The following HIP1R variants were observed in gnomAD, a reference collection of about 807,000 sequenced individuals.
HIP1R encodes the protein huntingtin interacting protein 1 related.
A neutral mutation model predicts 144.2 loss-of-function variants in HIP1R; 135 were observed. That is an observed-to-expected ratio of 0.94 (90% CI 0.81 to 1.08). The LOEUF (loss-of-function observed/expected upper bound fraction) is 1.08, where lower values mean the gene tolerates loss of function less well. HIP1R is among the 50% of genes least tolerant of loss of function. The probability of loss-of-function intolerance (pLI) is 0.00; values close to 1 mark genes in which losing one functional copy is unlikely to be tolerated. For synonymous variants in HIP1R, 698 were observed against 612.8 expected, an observed-to-expected ratio of 1.14 and a Z score of -2.05; for missense variants, 1,462 against 1,432.8, an observed-to-expected ratio of 1.02 and a Z score of -0.33.
Position 122,849,889 on chromosome 12 carries a change from C to A in HIP1R, c.372C>A (p.Asp124Glu), listed in dbSNP as rs145255391. The change falls in exon 5 of 32, where the codon GAC (aspartate) becomes GAA (glutamate). Residue 124 changes from aspartate to glutamate, a missense_variant. Coordinates refer to ENST00000253083, the MANE Select transcript of HIP1R (RefSeq NM_003959.3). ...TCTTCACACAGGGACATTTGCATGA[C>A]CGCTACGGACAGCTGGTGAATGTCT... is the stretch of plus-strand genomic sequence containing the variant. ...EIGDLWGHLH[D>E]RYGQLVNVYT... 1.5e-4 allele frequency: 240 copies of A among 1,613,072 alleles called. No individual in the cohort carries two copies. Among genetic ancestry groups the A allele is most frequent in the Non-Finnish European group, 1.8e-4 (207 of 1,179,604 alleles).
At chr12:122,856,876 A>G in intron 17 of HIP1R, 145 bp from the exon 18 acceptor site, 2 of 1,022,756 alleles carry the variant, frequency 2.0e-6, no homozygotes, top group Non-Finnish European at 2.9e-6. Context: ...TACATGGGAG[A>G]CAGGACCTAC....
At position 122,860,060 on chromosome 12, in the gene HIP1R, T is replaced by C; in HGVS notation, c.2479T>C (p.Cys827Arg). The change falls in exon 25 of 32, where the codon TGC becomes CGC. Residue 827 changes from cysteine (C) to arginine (R), a missense_variant. Cys to Arg is a radical substitution (Grantham distance 180). Transcript: ENST00000253083. ...LEVNERILNS[C>R]TDLMKAIRLL... ...TCTCTCCCCCAGGATCCTCAACTCC[T>C]GCACAGACCTGATGAAGGTGAGGGG... 1.3e-6 allele frequency: 2 copies of C among 1,569,016 alleles called. No homozygotes were observed. The highest frequency in any genetic ancestry group is 1.7e-6 in the Non-Finnish European group (2 of 1,158,262).
intron 1 of HIP1R, among the ~76,000 whole-genome samples, chr12:122,843,322 T>G (rs937200537): frequency 1.3e-5 from 2 of 152,324 alleles, no homozygotes; most frequent in African/African-American, 4.8e-5. Flanking sequence ...GGACAGGTGG[T>G]TAACCTGCAG....
chr12:122,862,830 G>A lies in HIP1R; in HGVS notation c.*1077G>A, dbSNP rs965932402. ...CTTTAGCCTTTCACCCTGTGCTCTGGAAAGGCTACCAAATACTGGCCAAGG... is the reference window on the plus strand; with the variant it reads ...CTTTAGCCTTTCACCCTGTGCTCTGAAAAGGCTACCAAATACTGGCCAAGG... On this transcript the variant is annotated 3_prime_UTR_variant, in exon 32 of 32. Transcript: ENST00000253083. The A allele has an allele frequency of 2.0e-5, 3 of 152,240 alleles. No individual in the cohort carries two copies. In the East Asian group the frequency reaches 5.8e-4, roughly 29 times the overall value. 9.4% of individuals were successfully genotyped at this position (152,240 alleles called of 1,614,324 possible).
intron 28 of HIP1R, 63 bp from the exon 29 acceptor site, chr12:122,860,853 G>T: frequency 6.3e-7 from 1 of 1,596,672 alleles, no homozygotes; most frequent in South Asian, 1.1e-5. Flanking sequence ...TGGCTGCCAA[G>T]CCCAGGCCTG....
chr12:122,860,041 C>T lies in HIP1R; in HGVS notation c.2466-6C>T. 1 of 1,555,126 alleles carries T rather than the reference C, an allele frequency of 6.4e-7. No homozygotes were observed. Among genetic ancestry groups the T allele is most frequent in the Non-Finnish European group, 8.7e-7 (1 of 1,151,570 alleles). ...CGGCAGCTAAGTCTCTCCTTCTCTC[C>T]CCCAGGATCCTCAACTCCTGCACAG... On this transcript the variant is annotated splice_polypyrimidine_tract_variant and splice_region_variant and intron_variant, in intron 24 of 31. Coordinates refer to ENST00000253083, the MANE Select transcript of HIP1R (RefSeq NM_003959.3).
rs564656610 is a variant in HIP1R, at chr12:122,854,796, C to T, written c.719-109C>T. 240 of 1,197,910 alleles carry T rather than the reference C, an allele frequency of 2.0e-4. 1 individual carries two copies. In the South Asian group the frequency reaches 2.8e-3, roughly 14 times the overall value. The allele number at this position is 1,197,910 out of a possible 1,614,324, so 74.2% of individuals were successfully genotyped here. ...TGGGAGAGCGGGCCTGGCCCGGTCTCAGGTGATCTCTGATCTGTGAGTTTG... is the reference window on the plus strand; with the variant it reads ...TGGGAGAGCGGGCCTGGCCCGGTCTTAGGTGATCTCTGATCTGTGAGTTTG... On this transcript the variant is annotated intron_variant, in intron 8 of 31. Coordinates refer to ENST00000253083, the MANE Select transcript of HIP1R (RefSeq NM_003959.3).
chr12:122,854,028 G>A lies in HIP1R; in HGVS notation c.578-15G>A. 4 of 1,611,588 alleles carry A rather than the reference G, an allele frequency of 2.5e-6. No individual in the cohort carries two copies. The highest frequency in any genetic ancestry group is 3.4e-6 in the Non-Finnish European group (4 of 1,178,748). On this transcript the variant is annotated splice_polypyrimidine_tract_variant and intron_variant, in intron 7 of 31. Transcript: ENST00000253083. ...CCCAAGGGCTCACGTTCTTCCTCCTGCCCCTTTTGCACAGTTTTCCGACAG... is the reference window on the plus strand; with the variant it reads ...CCCAAGGGCTCACGTTCTTCCTCCTACCCCTTTTGCACAGTTTTCCGACAG...
chr12:122,845,780 C>T (rs900406847), intron 1 of HIP1R, among the ~76,000 whole-genome samples: 1 of 152,110 alleles, frequency 6.6e-6, no homozygotes, highest in Non-Finnish European at 1.5e-5. Flanking sequence ...GTGAGGGTGC[C>T]GGGTGCGGGG....
chr12:122,858,723 C>T (rs1036782113), intron 20 of HIP1R, 115 bp from the exon 21 acceptor site: 35 of 800,316 alleles, frequency 4.4e-5, no homozygotes, highest in Non-Finnish European at 7.0e-5. Context: ...GTTGTCTTGC[C>T]GAGCCCTCCT....
chr12:122,850,383 G>A (rs752738864), intron 5 of HIP1R: 1 of 447,384 alleles, frequency 2.2e-6, no homozygotes, highest in African/African-American at 2.1e-5. Flanking sequence ...CCGCTGGGTG[G>A]GGGGGGCCCT....
intron 26 of HIP1R, 65 bp downstream of exon 26, chr12:122,860,275 G>C: frequency 6.5e-7 from 1 of 1,527,718 alleles, no homozygotes; most frequent in South Asian, 1.2e-5. Context: ...AGGCCACCCT[G>C]GGCATGAGAC....
rs2033745510 is a variant in HIP1R, at chr12:122,860,778, C to T, written c.2760C>T (p.Ala920=). The T allele has an allele frequency of 6.2e-7, 1 of 1,612,268 alleles. No individual in the cohort carries two copies. The highest frequency in any genetic ancestry group is 1.3e-5 in the African/African-American group (1 of 74,898). Residue 920 remains alanine (A), a synonymous_variant, in exon 28 of 32, where the codon GCC becomes GCT. Coordinates refer to ENST00000253083, the MANE Select transcript of HIP1R (RefSeq NM_003959.3). ...CCAGCACGGCCCAGCTGGTGGCGGC[C>T]TCCAAGGTGAGCTTGCACGCCGACA... ...IAASTAQLVA[A]SKVKANKHSP...
rs1420147837 is a variant in HIP1R at position 122,860,774 on chromosome 12, C to T, written c.2756C>T (p.Ala919Val). Residue 919 changes from alanine (A) to valine (V), a missense_variant, in exon 28 of 32, where the codon GCG becomes GTG. Ala to Val is a moderately conservative substitution (Grantham distance 64, BLOSUM62 0). This residue lies in a region of HIP1R where 1,112 missense variants were observed against 1,011.7 expected (regional missense o/e 1.10). Transcript: ENST00000253083. Reference protein sequence around the residue: ...EIAASTAQLVAASKVKANKHS... With the variant: ...EIAASTAQLVVASKVKANKHS... Reference sequence around the variant, plus strand: ...GCAGCCAGCACGGCCCAGCTGGTGGCGGCCTCCAAGGTGAGCTTGCACGCC... The same window carrying T: ...GCAGCCAGCACGGCCCAGCTGGTGGTGGCCTCCAAGGTGAGCTTGCACGCC... 10 of 1,612,332 alleles carry T rather than the reference C, an allele frequency of 6.2e-6. No individual in the cohort carries two copies. The highest frequency in any genetic ancestry group is 2.2e-5 in the South Asian group (2 of 91,026).
At chr12:122,849,715 GA>G (rs968703720) in intron 4 of HIP1R, among the ~76,000 whole-genome samples, 159 bp from the exon 5 acceptor site, 1 of 152,268 alleles carries the variant, frequency 6.6e-6, no homozygotes, top group African/African-American at 2.4e-5. Context: ...AAGATTAAGG[GA>G]AAAAGCTAGA....
chr12:122,855,217 G>A (rs2135666545), intron 10 of HIP1R, 48 bp from the exon 11 acceptor site: 1 of 1,610,906 alleles, frequency 6.2e-7, no homozygotes, highest in East Asian at 2.2e-5. Context: ...GCGGAAGGAG[G>A]GCTTGCTTAG....
chr12:122,835,055 C>A, upstream of HIP1R: 1 of 1,235,482 alleles, frequency 8.1e-7, no homozygotes, highest in Non-Finnish European at 1.1e-6. Flanking sequence ...GGGTCCCTAC[C>A]CTGGGTGGAA....
At position 122,855,652 on chromosome 12, in the gene HIP1R, A is replaced by G; in HGVS notation, c.1055+40A>G. Reference sequence around the variant, plus strand: ...AGCCGACTGGGCTGGGGGTGGTTGGAAACGGGCTCAGCTGAGCTGTGCTCT... The same window carrying G: ...AGCCGACTGGGCTGGGGGTGGTTGGGAACGGGCTCAGCTGAGCTGTGCTCT... On this transcript the variant is annotated intron_variant, in intron 12 of 31. Coordinates refer to ENST00000253083, the MANE Select transcript of HIP1R (RefSeq NM_003959.3). The G allele has an allele frequency of 2.6e-6, 4 of 1,546,318 alleles. 1 individual carries two copies. In the South Asian group the frequency reaches 4.8e-5, roughly 18 times the overall value.
At chr12:122,857,344 G>C (rs1187059984) in intron 18 of HIP1R, 129 bp downstream of exon 18, 6 of 887,282 alleles carry the variant, frequency 6.8e-6, no homozygotes, top group Non-Finnish European at 1.1e-5. Flanking sequence ...ATCCTTTTGT[G>C]TCCGGCTTCT....
Sources: allele counts gnomAD v4.1 joint callset (sites outside exome capture counted in the v4.1 genomes callset), GRCh38; gene constraint gnomAD v4.1.1; regional missense constraint gnomAD v4.1.1; transcripts MANE v1.5; gene names NCBI Gene and HGNC (gene_info 2026-07-23, HGNC 2026-07-21).